Variants in GPR89B observed in about 807,000 individuals in gnomAD.
GPR89B encodes the protein G protein-coupled receptor 89B.
GPR89B carries 25 observed loss-of-function variants against 52.4 expected under a neutral mutation model. The ratio of observed to expected loss-of-function variants is 0.48; its 90% confidence interval spans 0.35 to 0.67. The LOEUF is 0.67. GPR89B is among the 30% of genes least tolerant of loss of function. The probability of loss-of-function intolerance (pLI) is 0.01; values close to 1 mark genes in which losing one functional copy is unlikely to be tolerated. For missense variants in GPR89B, 146 were observed against 450.2 expected (o/e 0.32, Z 6.11); for synonymous variants, 52 against 151.2 (o/e 0.34, Z 4.81).
At chr1:147,997,564 G>T (rs1188640026), downstream of GPR89B, among the ~76,000 whole-genome samples, 2 of 152,064 alleles carry the variant, frequency 1.3e-5, no homozygotes, top group Non-Finnish European at 2.9e-5. Context: ...GTCAGATTTG[G>T]ACGGAGCCAC....
Position 147,939,942 on chromosome 1 carries a change from C to T in GPR89B, c.206+1125C>T, listed in dbSNP as rs587767297. Reference sequence around the variant, plus strand: ...TTGAGCCCAGGAGTTTGAGGATATGCGGTGAGCTGTGATCACTGGACAAGA... The same window carrying T: ...TTGAGCCCAGGAGTTTGAGGATATGTGGTGAGCTGTGATCACTGGACAAGA... On this transcript the variant is annotated intron_variant, in intron 3 of 13. Coordinates refer to ENST00000314163, the MANE Select transcript of GPR89B (RefSeq NM_016334.5). Among the ~76,000 whole-genome samples the T allele has an allele frequency of 1.2e-3, 187 of 151,502 alleles. 1 individual carries two copies. Among genetic ancestry groups the T allele is most frequent in the Non-Finnish European group, 2.1e-3 (143 of 67,892 alleles).
At chr1:148,009,403 G>A in the GPR89B span, 82 of 1,611,782 alleles carry the variant, frequency 5.1e-5, no homozygotes, top group Middle Eastern at 2.2e-4. Context: ...TAGCAGAGCC[G>A]GGGCTGGGTC....
the GPR89B span, among the ~76,000 whole-genome samples, chr1:148,017,331 T>C: frequency 3.7e-3 from 556 of 151,364 alleles, 8 homozygotes; most frequent in East Asian, 0.055. Context: ...CGTGAGCCAT[T>C]GTGCCCGGCC....
chr1:147,959,243 C>T (rs1265901788), intron 7 of GPR89B, among the ~76,000 whole-genome samples: 1 of 151,958 alleles, frequency 6.6e-6, no homozygotes, highest in African/African-American at 2.4e-5. Flanking sequence ...TTAACCTCTA[C>T]CTTGAATTAG....
At chr1:147,950,219 G>A (rs1478444665) in intron 5 of GPR89B, among the ~76,000 whole-genome samples, 1 of 150,882 alleles carries the variant, frequency 6.6e-6, no homozygotes, top group African/African-American at 2.4e-5. Context: ...TTCTCAGACG[G>A]GGCGGCTGGG....
intron 5 of GPR89B, among the ~76,000 whole-genome samples, chr1:147,949,263 A>G (rs1355242056): frequency 6.6e-6 from 1 of 151,622 alleles, no homozygotes; most frequent in Non-Finnish European, 1.5e-5. Context: ...CCCGGTCTCA[A>G]TGAGCTGTTG....
chr1:148,017,766 A>G, the GPR89B span, among the ~76,000 whole-genome samples: 445 of 150,866 alleles, frequency 2.9e-3, 10 homozygotes, highest in African/African-American at 0.01. Flanking sequence ...AAAATAAAAT[A>G]AAATAAAATA....
At chr1:147,935,073 A>G (rs1401538146) in intron 1 of GPR89B, among the ~76,000 whole-genome samples, 3 of 152,146 alleles carry the variant, frequency 2.0e-5, no homozygotes, top group Non-Finnish European at 2.9e-5. Flanking sequence ...ACAAAACTGT[A>G]TGGTAAGCAC....
the GPR89B span, among the ~76,000 whole-genome samples, chr1:148,016,131 A>G: frequency 1.0e-5 from 1 of 99,192 alleles, no homozygotes; most frequent in Non-Finnish European, 2.0e-5. Flanking sequence ...ATAGTTACCT[A>G]TTTCTGGTGT....
At chr1:148,011,529 A>G in the GPR89B span, 3 of 152,270 alleles carry the variant, frequency 2.0e-5, no homozygotes, top group Non-Finnish European at 4.4e-5. Context: ...AAGGTCTGGG[A>G]AGGAGAGAGC....
chr1:147,934,451 AC>A (rs1379536507), intron 1 of GPR89B, among the ~76,000 whole-genome samples: 3 of 152,160 alleles, frequency 2.0e-5, no homozygotes, highest in African/African-American at 7.2e-5. Flanking sequence ...GACGTGAGCC[AC>A]CATGTCCAGC....
At chr1:147,973,421 G>C (rs1657616894) in intron 10 of GPR89B, among the ~76,000 whole-genome samples, 1 of 151,496 alleles carries the variant, frequency 6.6e-6, no homozygotes, top group Non-Finnish European at 1.5e-5. Flanking sequence ...GTGATACTGA[G>C]CTTGAGCTTT....
chr1:147,990,527 C>A lies in GPR89B; in HGVS notation c.1096-1975C>A, dbSNP rs1190310044. Among the ~76,000 whole-genome samples the A allele has an allele frequency of 5.9e-5, 9 of 152,254 alleles. No homozygotes were observed. In the South Asian group the frequency reaches 6.2e-4, roughly 11 times the overall value. ...TTTAGACATGAAGTCCTTGCCCATG[C>A]CTATGTCCTGAATGTTATTGCCTAG... On this transcript the variant is annotated intron_variant, in intron 12 of 13. Transcript: ENST00000314163.
chr1:147,984,322 T>TATA (rs1222874992), intron 10 of GPR89B, among the ~76,000 whole-genome samples: 15 of 150,666 alleles, frequency 1.0e-4, no homozygotes, highest in African/African-American at 3.4e-4. Context: ...AAACTTAAAG[T>TATA]ATAATAATAA....
At chr1:147,983,962 T>A (rs1186899416) in intron 10 of GPR89B, among the ~76,000 whole-genome samples, 3 of 151,480 alleles carry the variant, frequency 2.0e-5, no homozygotes, top group South Asian at 4.2e-4. Flanking sequence ...ATTCAGAAAA[T>A]GTGGCACATA....
chr1:147,950,185 T>C (rs1553250764), intron 5 of GPR89B, among the ~76,000 whole-genome samples: 1 of 139,582 alleles, frequency 7.2e-6, no homozygotes, highest in Non-Finnish European at 1.5e-5. Flanking sequence ...TATGGGGCGG[T>C]TGCCAGGCGG....
chr1:147,950,815 C>G (rs200500942), intron 5 of GPR89B, among the ~76,000 whole-genome samples: 1 of 151,606 alleles, frequency 6.6e-6, no homozygotes, highest in Non-Finnish European at 1.5e-5. Flanking sequence ...CGCCTGCAAT[C>G]GCAGGCACTC....
downstream of GPR89B, among the ~76,000 whole-genome samples, chr1:147,997,258 G>A (rs1446431645): frequency 6.6e-6 from 1 of 152,108 alleles, no homozygotes; most frequent in Non-Finnish European, 1.5e-5. Flanking sequence ...AACTTGACTG[G>A]ATTAAGGAAT....
At chr1:147,939,474 G>A (rs1230583289) in intron 3 of GPR89B, among the ~76,000 whole-genome samples, 1 of 152,138 alleles carries the variant, frequency 6.6e-6, no homozygotes, top group African/African-American at 2.4e-5. Flanking sequence ...TGCAGACTTT[G>A]TTGTGCTTTT....
Sources: allele counts gnomAD v4.1 joint callset (sites outside exome capture counted in the v4.1 genomes callset), GRCh38; gene constraint gnomAD v4.1.1; transcripts MANE v1.5; gene names NCBI Gene and HGNC (gene_info 2026-07-23, HGNC 2026-07-21).